ADGRD1: variants seen among roughly 807,000 people sequenced by gnomAD.
The protein encoded by ADGRD1 is adhesion G protein-coupled receptor D1.
ADGRD1 carries 77 observed loss-of-function variants against 113.4 expected under a neutral mutation model. The observed-to-expected ratio is 0.68, with a 90% CI of 0.57 to 0.82. The LOEUF is 0.82. Ranked by LOEUF, ADGRD1 falls within the 40% of genes least tolerant of loss-of-function variation. ADGRD1 has a pLI of 0.00. For synonymous variants in ADGRD1, 474 were observed against 475.0 expected (o/e 1.00, Z 0.03); for missense variants, 1,036 against 1,139.1 (o/e 0.91, Z 1.30).
Position 131,005,962 on chromosome 12 carries a change from C to G in ADGRD1, c.1256-10C>G, listed in dbSNP as rs768874092. The G allele has an allele frequency of 1.6e-5, 26 of 1,609,622 alleles. No homozygotes were observed. The highest frequency in any genetic ancestry group is 2.0e-5 in the Non-Finnish European group (24 of 1,179,414). ...CGCTGACAGCGCCTGCCCCTCTGCT[C>G]TCTCTGCAGCCTGGAGCACCGTCGT... On this transcript the variant is annotated splice_polypyrimidine_tract_variant and intron_variant, in intron 11 of 24. Transcript: ENST00000261654.
intron 14 of ADGRD1, among the ~76,000 whole-genome samples, 184 bp downstream of exon 14, chr12:131,077,058 C>A (rs1281197742): frequency 6.6e-6 from 1 of 152,180 alleles, no homozygotes; most frequent in Non-Finnish European, 1.5e-5. Context: ...GGAGGCCTCC[C>A]CTCCAGACCA....
At chr12:130,981,534 G>A (rs769408760) in intron 4 of ADGRD1, among the ~76,000 whole-genome samples, 10 of 152,122 alleles carry the variant, frequency 6.6e-5, no homozygotes, top group Non-Finnish European at 1.2e-4. Flanking sequence ...CCCGGGGAGT[G>A]GGGGCGGGGA....
At chr12:131,118,059 A>G (rs1176940484) in intron 18 of ADGRD1, among the ~76,000 whole-genome samples, 1 of 152,252 alleles carries the variant, frequency 6.6e-6, no homozygotes, top group Non-Finnish European at 1.5e-5. Flanking sequence ...AGGTCTAGAT[A>G]GACCAAGCTG....
At chr12:131,048,769 C>T (rs1883090236) in intron 13 of ADGRD1, among the ~76,000 whole-genome samples, 1 of 152,190 alleles carries the variant, frequency 6.6e-6, no homozygotes, top group Admixed American at 6.5e-5. Context: ...CTCCTGTGCA[C>T]CACGGGGCTA....
intron 13 of ADGRD1, among the ~76,000 whole-genome samples, chr12:131,043,669 G>T (rs962535449): frequency 6.6e-6 from 1 of 152,236 alleles, no homozygotes; most frequent in Non-Finnish European, 1.5e-5. Flanking sequence ...CGGGATGGAG[G>T]GCCCTGCGCA....
intron 11 of ADGRD1, among the ~76,000 whole-genome samples, chr12:131,005,548 A>C (rs1876976034): frequency 6.6e-6 from 1 of 151,972 alleles, no homozygotes; most frequent in African/African-American, 2.4e-5. Context: ...CTGCGTGTGG[A>C]GGGCAGACGG....
At chr12:131,136,012 G>A in intron 21 of ADGRD1, 25 bp from the exon 22 acceptor site, 1 of 1,613,588 alleles carries the variant, frequency 6.2e-7, no homozygotes, top group Non-Finnish European at 8.5e-7. Context: ...TGCCACTCAG[G>A]GTGACTGTCA....
rs1884227738 is a variant in ADGRD1, at chr12:131,060,487, G to C, written c.1474-16314G>C. Among the ~76,000 whole-genome samples, 1 of 152,190 alleles carries C rather than the reference G, an allele frequency of 6.6e-6. No individual in the cohort carries two copies. The highest frequency in any genetic ancestry group is 1.5e-5 in the Non-Finnish European group (1 of 68,044). On this transcript the variant is annotated intron_variant, in intron 13 of 24. Transcript: ENST00000261654. The surrounding 1 kb of genome is among the most constrained non-coding windows in gnomAD (Gnocchi z 4.4). ...ATGCTGTGTCAGAGCGATGCTGGCT[G>C]TTAACTGCTGGCTGGGTCACACCAT... is the stretch of plus-strand genomic sequence containing the variant.
intron 8 of ADGRD1, among the ~76,000 whole-genome samples, chr12:130,995,622 A>G (rs576328393): frequency 7.8e-4 from 119 of 152,262 alleles, no homozygotes; most frequent in African/African-American, 2.7e-3. Flanking sequence ...ACTCAAGGCC[A>G]CCTGTCTGTA....
intron 13 of ADGRD1, among the ~76,000 whole-genome samples, chr12:131,028,965 A>G (rs1880297442): frequency 6.6e-6 from 1 of 152,222 alleles, no homozygotes; most frequent in Non-Finnish European, 1.5e-5. Context: ...TTATCCAGCC[A>G]TGGGTGGGGC....
chr12:131,097,758 C>A (rs1324168805), intron 15 of ADGRD1, among the ~76,000 whole-genome samples: 1 of 152,190 alleles, frequency 6.6e-6, no homozygotes, highest in African/African-American at 2.4e-5. Context: ...CCAGCCTGGC[C>A]GGGACAGGGT....
chr12:131,007,316 A>T (rs1391824342), intron 12 of ADGRD1, among the ~76,000 whole-genome samples: 1 of 152,192 alleles, frequency 6.6e-6, no homozygotes, highest in Non-Finnish European at 1.5e-5. Flanking sequence ...GCAGCCAGAG[A>T]CACTACGTGG....
At chr12:131,074,893 G>A (rs1885462299) in intron 13 of ADGRD1, among the ~76,000 whole-genome samples, 1 of 152,232 alleles carries the variant, frequency 6.6e-6, no homozygotes, top group East Asian at 1.9e-4. Flanking sequence ...TGTTGCGGTG[G>A]TGGCTGTTTT....
intron 13 of ADGRD1, among the ~76,000 whole-genome samples, chr12:131,065,918 T>A (rs2137109381): frequency 6.6e-6 from 1 of 152,270 alleles, no homozygotes; most frequent in East Asian, 1.9e-4. Flanking sequence ...GAGACCTGGC[T>A]CAGCCCTGGT....
At chr12:131,101,543 A>C (rs928004899) in intron 15 of ADGRD1, among the ~76,000 whole-genome samples, 1 of 151,462 alleles carries the variant, frequency 6.6e-6, no homozygotes. Context: ...GTGGGCCATC[A>C]TGTCTGGCTA....
chr12:131,067,323 G>A (rs1884801677), intron 13 of ADGRD1, among the ~76,000 whole-genome samples: 1 of 152,192 alleles, frequency 6.6e-6, no homozygotes, highest in South Asian at 2.1e-4. Context: ...GTCTAGCTGG[G>A]CACGTTGCCA....
At position 131,022,478 on chromosome 12, in the gene ADGRD1, A is replaced by T. The variant is rs1879429142; in HGVS notation, c.1473+8138A>T. ...TGCATTTATTAATTGGAATTCTGTG[A>T]TAAGTACAAACCGTGATTTATTTAT... On this transcript the variant is annotated intron_variant, in intron 13 of 24. Coordinates refer to ENST00000261654, the MANE Select transcript of ADGRD1 (RefSeq NM_198827.5). The surrounding 1 kb of genome is among the most constrained non-coding windows in gnomAD (Gnocchi z 4.6). 6.6e-6 allele frequency among the ~76,000 whole-genome samples: 1 copy of T among 152,210 alleles called. No homozygotes were observed. Among genetic ancestry groups the T allele is most frequent in the Non-Finnish European group, 1.5e-5 (1 of 68,034 alleles).
chr12:131,087,086 C>T lies in ADGRD1; in HGVS notation c.1671+2423C>T, dbSNP rs867394185. Among the ~76,000 whole-genome samples, 19 of 152,150 alleles carry T rather than the reference C, an allele frequency of 1.2e-4. No homozygotes were observed. In the South Asian group the frequency reaches 1.9e-3, roughly 15 times the overall value. Reference sequence around the variant, plus strand: ...ACGCCTGGCTAATTTTAAATTTTTTCGTAGCAATGGGTTCTCACCATGTTC... The same window carrying T: ...ACGCCTGGCTAATTTTAAATTTTTTTGTAGCAATGGGTTCTCACCATGTTC... On this transcript the variant is annotated intron_variant, in intron 15 of 24. Coordinates refer to ENST00000261654, the MANE Select transcript of ADGRD1 (RefSeq NM_198827.5).
intron 20 of ADGRD1, among the ~76,000 whole-genome samples, chr12:131,126,908 T>G (rs1950748933): frequency 6.6e-6 from 1 of 152,012 alleles, no homozygotes; most frequent in African/African-American, 2.4e-5. Flanking sequence ...ATGAGTGAAA[T>G]GGAGTGAGGG....
Sources: allele counts gnomAD v4.1 joint callset (sites outside exome capture counted in the v4.1 genomes callset), GRCh38; gene constraint gnomAD v4.1.1; non-coding constraint Gnocchi (gnomAD v3.1); transcripts MANE v1.5; gene names NCBI Gene and HGNC (gene_info 2026-07-23, HGNC 2026-07-21).